VAMP7: variants seen among roughly 807,000 people sequenced by gnomAD.
The protein encoded by VAMP7 is vesicle associated membrane protein 7, also known as vesicle-associated membrane protein 7.
A neutral mutation model predicts 29.6 loss-of-function variants in VAMP7; 14 were observed. The ratio of observed to expected loss-of-function variants is 0.47; its 90% CI spans 0.31 to 0.74. The LOEUF (loss-of-function observed/expected upper bound fraction) is 0.74, where lower values mean the gene tolerates loss of function less well. Among genes scored for constraint, VAMP7 ranks in the 30% least tolerant of loss-of-function variants. The probability of loss-of-function intolerance (pLI) is 0.05; values close to 1 mark genes in which losing one functional copy is unlikely to be tolerated. For synonymous variants in VAMP7, 95 were observed against 88.1 expected (o/e 1.08, Z -0.44); for missense variants, 223 against 262.4 (o/e 0.85, Z 1.04).
intron 6 of VAMP7, among the ~76,000 whole-genome samples, chrX:155,933,097 C>T (rs368804985): frequency 4.6e-5 from 7 of 152,062 alleles, no homozygotes; most frequent in Non-Finnish European, 8.8e-5. Context: ...CTGCTGGATT[C>T]GATTTGCCAG....
chrX:155,902,989 C>G (rs957266891), intron 5 of VAMP7, among the ~76,000 whole-genome samples: 1 of 151,640 alleles, frequency 6.6e-6, no homozygotes. Flanking sequence ...GCTGTGAATC[C>G]ATCTGGTCCT....
At position 155,942,005 on chromosome X, in the gene VAMP7, A is replaced by G. The variant is rs778614692; in HGVS notation, c.*54A>G. ...TATGAGAGAACAAGGAGTTAAAAGC[A>G]ATCCATGTGACTCAAGCCTTTCACA... On this transcript the variant is annotated 3_prime_UTR_variant, in exon 8 of 8. Transcript: ENST00000286448. The G allele has an allele frequency of 6.2e-7, 1 of 1,613,534 alleles. No homozygotes were observed. Among genetic ancestry groups the G allele is most frequent in the Admixed American group, 1.7e-5 (1 of 59,884 alleles).
intron 3 of VAMP7, 38 bp downstream of exon 3, chrX:155,895,718 G>C: frequency 6.4e-7 from 1 of 1,565,244 alleles, no homozygotes; most frequent in Non-Finnish European, 8.8e-7. Context: ...TTAACTATGT[G>C]TACTGTTAAT....
At chrX:155,935,263 G>C (rs1434173696) in intron 6 of VAMP7, among the ~76,000 whole-genome samples, 5 of 152,076 alleles carry the variant, frequency 3.3e-5, no homozygotes, top group Non-Finnish European at 7.4e-5. Flanking sequence ...CTAGGTTGGG[G>C]AAGTTCTCCT....
In VAMP7 at chrX:155,943,342, G is replaced by A. The variant is rs1379464096; in HGVS notation, c.*1391G>A. On this transcript the variant is annotated 3_prime_UTR_variant, in exon 8 of 8. Coordinates refer to ENST00000286448, the MANE Select transcript of VAMP7 (RefSeq NM_005638.6). The stretch of plus-strand genomic sequence containing the variant: ...ATATGTGTCCCATAATCTGGCTCAT[G>A]GTACCTGTTCTTCTATCCAAACCTT... The A allele has an allele frequency of 6.6e-6, 1 of 151,962 alleles. No homozygotes were observed. Among genetic ancestry groups the A allele is most frequent in the Non-Finnish European group, 1.5e-5 (1 of 67,928 alleles). 9.4% of individuals were successfully genotyped at this position (151,962 alleles called of 1,614,324 possible).
chrX:155,904,876 TTTTG>T (rs749454452), intron 5 of VAMP7, among the ~76,000 whole-genome samples: 339 of 144,106 alleles, frequency 2.4e-3, no homozygotes, highest in Middle Eastern at 7.2e-3. Context: ...GTGTACAAGT[TTTTG>T]TGTGAGCATA....
chrX:155,888,852 A>G (rs2065895499), intron 1 of VAMP7, among the ~76,000 whole-genome samples: 1 of 152,036 alleles, frequency 6.6e-6, no homozygotes, highest in African/African-American at 2.4e-5. Context: ...AATTTGGGGG[A>G]AATTATTTAA....
chrX:155,902,722 C>T (rs1251483744), intron 5 of VAMP7, among the ~76,000 whole-genome samples: 1 of 151,830 alleles, frequency 6.6e-6, no homozygotes, highest in Non-Finnish European at 1.5e-5. Context: ...ATGAAGCCCA[C>T]TTGATCATGG....
intron 6 of VAMP7, among the ~76,000 whole-genome samples, chrX:155,924,423 CTG>C (rs2066440421): frequency 6.6e-6 from 1 of 152,236 alleles, no homozygotes; most frequent in East Asian, 1.9e-4. Context: ...AACAAAAACT[CTG>C]TAACCATTAA....
intron 1 of VAMP7, among the ~76,000 whole-genome samples, chrX:155,885,935 A>G (rs927661442): frequency 2.0e-5 from 3 of 152,182 alleles, no homozygotes; most frequent in African/African-American, 4.8e-5. Context: ...TTGGTACTTT[A>G]TTACTGCAGC....
At chrX:155,894,912 G>A (rs181053252) in intron 2 of VAMP7, among the ~76,000 whole-genome samples, 4 of 152,168 alleles carry the variant, frequency 2.6e-5, no homozygotes, top group African/African-American at 9.6e-5. Context: ...CAGCCACCAC[G>A]CCTGGCCTTT....
At chrX:155,922,214 C>A (rs1025414765) in intron 6 of VAMP7, among the ~76,000 whole-genome samples, 2 of 151,896 alleles carry the variant, frequency 1.3e-5, no homozygotes, top group African/African-American at 4.8e-5. Flanking sequence ...TACATTCCTG[C>A]CTTTTATTTT....
At chrX:155,899,851 A>G (rs1017768380) in intron 4 of VAMP7, among the ~76,000 whole-genome samples, 1 of 152,114 alleles carries the variant, frequency 6.6e-6, no homozygotes, top group African/African-American at 2.4e-5. Context: ...GCATCGTTTC[A>G]TAGAGTTTTG....
chrX:155,915,397 C>T (rs1194590412), intron 5 of VAMP7, among the ~76,000 whole-genome samples: 2 of 152,030 alleles, frequency 1.3e-5, no homozygotes, highest in Non-Finnish European at 2.9e-5. Context: ...TATTTCTTGT[C>T]TTCTGCTACC....
At chrX:155,908,526 G>GTGGAAAGAGAGGGAGAGGGAGACCT in intron 5 of VAMP7, among the ~76,000 whole-genome samples, 1 of 152,038 alleles carries the variant, frequency 6.6e-6, no homozygotes, top group African/African-American at 2.4e-5. Flanking sequence ...GAGGGAGACC[G>GTGGAAAGAGAGGGAGAGGGAGACCT]TGGAAAGAGA....
intron 1 of VAMP7, among the ~76,000 whole-genome samples, chrX:155,882,690 G>A (rs1331053485): frequency 1.3e-5 from 2 of 152,134 alleles, no homozygotes; most frequent in East Asian, 1.9e-4. Context: ...AGATAGTTTG[G>A]TTGTGAAAAT....
At chrX:155,881,811 T>G (rs1170156422) in intron 1 of VAMP7, among the ~76,000 whole-genome samples, 1 of 152,156 alleles carries the variant, frequency 6.6e-6, no homozygotes, top group Non-Finnish European at 1.5e-5. Context: ...TGACGTCACT[T>G]TCTGCTTCAC....
chrX:155,887,140 T>C (rs2065874684), intron 1 of VAMP7, among the ~76,000 whole-genome samples: 1 of 152,228 alleles, frequency 6.6e-6, no homozygotes, highest in Admixed American at 6.5e-5. Context: ...CTTTTGGCTT[T>C]CCCATTTGGT....
At chrX:155,892,941 T>G (rs998889930) in intron 2 of VAMP7, among the ~76,000 whole-genome samples, 1 of 151,858 alleles carries the variant, frequency 6.6e-6, no homozygotes, top group Non-Finnish European at 1.5e-5. Context: ...TTAGTAGAGA[T>G]GGGGTTTCAC....
Sources: gnomAD v4.1 joint callset for allele counts (sites outside exome capture counted in the v4.1 genomes callset) on GRCh38, gnomAD v4.1.1 for gene constraint, MANE v1.5 for transcripts, NCBI Gene and HGNC (gene_info 2026-07-23, HGNC 2026-07-21) for gene names.